The following TNFRSF1A variants were observed in gnomAD, a reference collection of about 807,000 sequenced individuals.
The protein encoded by TNFRSF1A is tumor necrosis factor receptor superfamily member 1A.
Under a neutral mutation model 41.6 loss-of-function variants are expected in TNFRSF1A, and 9 were observed. The observed-to-expected ratio is 0.22, with a 90% CI of 0.13 to 0.38. TNFRSF1A has a LOEUF of 0.38. TNFRSF1A is among the 10% of genes least tolerant of loss of function. The pLI, the probability that TNFRSF1A is intolerant of heterozygous loss-of-function variation, is 1.00. For missense variants in TNFRSF1A, 463 were observed against 591.5 expected (o/e 0.78, Z 2.25); for synonymous variants, 254 against 248.6 (o/e 1.02, Z -0.21).
Position 6,329,993 on chromosome 12 carries a change from G to C in TNFRSF1A, c.842C>G (p.Pro281Arg), listed in dbSNP as rs761773363. 6.3e-7 allele frequency: 1 copy of C among 1,599,814 alleles called. No homozygotes were observed. Among genetic ancestry groups the C allele is most frequent in the Admixed American group, 1.7e-5 (1 of 58,086 alleles). Residue 281 changes from proline (P) to arginine (R), a missense_variant, in exon 9 of 10, where the codon CCC (proline) becomes CGC (arginine). By Grantham distance (103) the Pro-to-Arg change is moderately radical (BLOSUM62 -2). Transcript: ENST00000162749. ...GGGCACGGGACTGAAGCCCAGGGTGGGGGTGAAGCCTGGAGTGGGACTGAA... is the reference window on the plus strand; with the variant it reads ...GGGCACGGGACTGAAGCCCAGGGTGCGGGTGAAGCCTGGAGTGGGACTGAA... ...PSFSPTPGFT[P>R]TLGFSPVPSS...
rs1457836870 is a variant in TNFRSF1A at position 6,341,368 on chromosome 12, C to T, written c.39+408G>A. On this transcript the variant is annotated intron_variant, in intron 1 of 9. Transcript: ENST00000162749. The surrounding 1 kb of genome is among the most constrained non-coding windows in gnomAD (Gnocchi z 4.6). ...GCCCAACACCCTCCAGGCCAGCCAGCTGACCGGAGGGACAGAATTCAGAAC... is the reference window on the plus strand; with the variant it reads ...GCCCAACACCCTCCAGGCCAGCCAGTTGACCGGAGGGACAGAATTCAGAAC... Among the ~76,000 whole-genome samples, 1 of 152,192 alleles carries T rather than the reference C, an allele frequency of 6.6e-6. No homozygotes were observed. Among genetic ancestry groups the T allele is most frequent in the East Asian group, 1.9e-4 (1 of 5,190 alleles).
In TNFRSF1A at chr12:6,328,850, C is replaced by T. The variant is rs780092063; in HGVS notation, c.*462G>A. On this transcript the variant is annotated 3_prime_UTR_variant, in exon 10 of 10. Coordinates refer to ENST00000162749, the MANE Select transcript of TNFRSF1A (RefSeq NM_001065.4). Reference sequence around the variant, plus strand: ...CCCATTGTTCCGTGCTCGCCCCTGCCTTAGGACAGTTCAGCTTGCTATGTG... The same window carrying T: ...CCCATTGTTCCGTGCTCGCCCCTGCTTTAGGACAGTTCAGCTTGCTATGTG... 2 of 163,944 alleles carry T rather than the reference C, an allele frequency of 1.2e-5. No individual in the cohort carries two copies. The highest frequency in any genetic ancestry group is 2.4e-5 in the African/African-American group (1 of 42,102). 10.2% of individuals were successfully genotyped at this position (163,944 alleles called of 1,614,324 possible). A position where few individuals can be genotyped will look rare whatever the true frequency, so the allele number is the denominator to read the frequency against.
chr12:6,338,754 C>G (rs547289277), intron 1 of TNFRSF1A, among the ~76,000 whole-genome samples: 2 of 152,118 alleles, frequency 1.3e-5, no homozygotes, highest in Non-Finnish European at 2.9e-5. Flanking sequence ...CTCAGTCTCC[C>G]GAATAGCTGG....
rs1198553018 is a variant in TNFRSF1A, at chr12:6,341,337, C to T, written c.39+439G>A. On this transcript the variant is annotated intron_variant, in intron 1 of 9. Transcript: ENST00000162749. The surrounding 1 kb of genome is among the most constrained non-coding windows in gnomAD (Gnocchi z 4.6). ...CAAGTTCCACAGGCAGCCTCGCCTC[C>T]CCACGGCCCAACACCCTCCAGGCCA... Among the ~76,000 whole-genome samples the T allele has an allele frequency of 6.6e-6, 1 of 152,184 alleles. No individual in the cohort carries two copies. Among genetic ancestry groups the T allele is most frequent in the African/African-American group, 2.4e-5 (1 of 41,452 alleles).
intron 8 of TNFRSF1A, 82 bp downstream of exon 8, chr12:6,330,185 A>G (rs533145140): frequency 2.5e-6 from 4 of 1,611,448 alleles, no homozygotes; most frequent in African/African-American, 2.7e-5. Context: ...AAAGTGAAGG[A>G]TGATTCCAGG....
intron 1 of TNFRSF1A, among the ~76,000 whole-genome samples, chr12:6,339,702 T>C (rs941897677): frequency 6.6e-6 from 1 of 152,152 alleles, no homozygotes; most frequent in South Asian, 2.1e-4. Flanking sequence ...CTGAAATCAT[T>C]TTTCACTGTA....
In TNFRSF1A at chr12:6,329,913, C is replaced by T; in HGVS notation, c.922G>A (p.Ala308Thr). The T allele has an allele frequency of 1.3e-6, 2 of 1,573,840 alleles. No individual in the cohort carries two copies. The highest frequency in any genetic ancestry group is 1.7e-6 in the Non-Finnish European group (2 of 1,158,418). ...GGTGCCACCTCTCTGCGGGGAGCCG[C>T]AAAGTTGGGACAGTCACCGGGGGTA... is the stretch of plus-strand genomic sequence containing the variant. ...TYTPGDCPNF[A>T]APRREVAPPY... The change falls in exon 9 of 10, where the codon GCG becomes ACG. Residue 308 changes from alanine to threonine, a missense_variant. Coordinates refer to ENST00000162749, the MANE Select transcript of TNFRSF1A (RefSeq NM_001065.4).
Position 6,341,870 on chromosome 12 carries a change from G to C in TNFRSF1A, c.-56C>G. 1 of 1,601,738 alleles carries C rather than the reference G, an allele frequency of 6.2e-7. No individual in the cohort carries two copies. The highest frequency in any genetic ancestry group is 2.2e-5 in the East Asian group (1 of 44,838). ...TTTGGGCTCAGGGCAGTGTGGCAGC[G>C]GCAGTGCTGGGGCTTCCCGGGACTC... On this transcript the variant is annotated 5_prime_UTR_variant, in exon 1 of 10. Transcript: ENST00000162749. This position sits in a 1 kb window ranked among gnomAD's most constrained non-coding sequence, Gnocchi z 4.6.
chr12:6,336,324 T>C (rs1403149208), intron 1 of TNFRSF1A, among the ~76,000 whole-genome samples: 3 of 152,040 alleles, frequency 2.0e-5, no homozygotes, highest in Non-Finnish European at 2.9e-5. Context: ...AGGGAAATCT[T>C]TTCCCAGCAA....
chr12:6,333,425 T>C lies in TNFRSF1A; in HGVS notation c.414A>G (p.Glu138=), dbSNP rs201862823. 49 of 1,613,920 alleles carry C rather than the reference T, an allele frequency of 3.0e-5. No individual in the cohort carries two copies. The highest frequency in any genetic ancestry group is 4.2e-5 in the Non-Finnish European group (49 of 1,179,992). ...TGCAATTGAAGCACTGGAAAAGGTT[T>C]TCACTCCAATAATGCCGGTACTGGT... ...RKNQYRHYWS[E]NLFQCFNCSL... The change falls in exon 4 of 10, where the codon GAA becomes GAG. Residue 138 remains glutamate (E), a synonymous_variant. Coordinates refer to ENST00000162749, the MANE Select transcript of TNFRSF1A (RefSeq NM_001065.4). The surrounding 1 kb of genome is among the most constrained non-coding windows in gnomAD (Gnocchi z 6.3).
rs1325942221 is a variant in TNFRSF1A at position 6,333,876 on chromosome 12, G to C, written c.194-11C>G. On this transcript the variant is annotated splice_polypyrimidine_tract_variant and intron_variant, in intron 2 of 9. Transcript: ENST00000162749. The surrounding 1 kb of genome is among the most constrained non-coding windows in gnomAD (Gnocchi z 6.3). The stretch of plus-strand genomic sequence containing the variant: ...TGTACAAGTAGGTTCCTGTGAATGG[G>C]GCCGCAGAGTTAGGCTGCGGGTGAG... 3 of 1,602,122 alleles carry C rather than the reference G, an allele frequency of 1.9e-6. No homozygotes were observed. Among genetic ancestry groups the C allele is most frequent in the Non-Finnish European group, 2.6e-6 (3 of 1,173,816 alleles).
Position 6,337,675 on chromosome 12 carries a change from C to T in TNFRSF1A, c.40-3431G>A, listed in dbSNP as rs919157598. Reference sequence around the variant, plus strand: ...TCCCTGTGAACTCGAAGCACGTGAACTGACCCTATCTACTTTTGGCTCTTA... The same window carrying T: ...TCCCTGTGAACTCGAAGCACGTGAATTGACCCTATCTACTTTTGGCTCTTA... On this transcript the variant is annotated intron_variant, in intron 1 of 9. Coordinates refer to ENST00000162749, the MANE Select transcript of TNFRSF1A (RefSeq NM_001065.4). This position sits in a 1 kb window ranked among gnomAD's most constrained non-coding sequence, Gnocchi z 4.6. 3.3e-5 allele frequency among the ~76,000 whole-genome samples: 5 copies of T among 152,200 alleles called. No homozygotes were observed. Among genetic ancestry groups the T allele is most frequent in the African/African-American group, 1.2e-4 (5 of 41,436 alleles).
chr12:6,334,225 A>G lies in TNFRSF1A; in HGVS notation c.59T>C (p.Val20Ala), dbSNP rs1254356365. 1 of 1,613,524 alleles carries G rather than the reference A, an allele frequency of 6.2e-7. No homozygotes were observed. The highest frequency in any genetic ancestry group is 8.5e-7 in the Non-Finnish European group (1 of 1,179,702). Residue 20 changes from valine to alanine, a missense_variant, in exon 2 of 10, where the codon GTG becomes GCG. This residue lies in a region of TNFRSF1A where 37 missense variants were observed against 46.5 expected (regional missense o/e 0.80). Transcript: ENST00000162749. This position sits in a 1 kb window ranked among gnomAD's most constrained non-coding sequence, Gnocchi z 5.1. ...AATAACCCCTGAGGGGTATATTCCC[A>G]CCAACAGCTCCAGGAGCACCTGGGG... ...LLPLVLLELL[V>A]GIYPSGVIGL...
rs201769426 is a variant in TNFRSF1A, at chr12:6,341,726, G to C, written c.39+50C>G. 1 of 1,609,872 alleles carries C rather than the reference G, an allele frequency of 6.2e-7. No individual in the cohort carries two copies. Among genetic ancestry groups the C allele is most frequent in the Non-Finnish European group, 8.5e-7 (1 of 1,177,728 alleles). ...CTCCCGGAGAGGGCCCACGCCAGCC[G>C]GAAGGTGCCTCGCCCACCAGCCCAC... On this transcript the variant is annotated intron_variant, in intron 1 of 9. Transcript: ENST00000162749. This position sits in a 1 kb window ranked among gnomAD's most constrained non-coding sequence, Gnocchi z 4.6.
At chr12:6,338,322 GTTCATC>G (rs1948145467) in intron 1 of TNFRSF1A, among the ~76,000 whole-genome samples, 1 of 152,088 alleles carries the variant, frequency 6.6e-6, no homozygotes, top group African/African-American at 2.4e-5. Context: ...CCATGTGTCA[GTTCATC>G]TTGCGAGGCC....
rs1948099762 is a variant in TNFRSF1A at position 6,334,837 on chromosome 12, G to GCCAGCA, written c.40-594_40-593insTGCTGG. ...GAAATCCCCCACAGCAGCTAACAGT[G>GCCAGCA]CTGGACACAGGGCAGATGTTGAAAG... On this transcript the variant is annotated intron_variant, in intron 1 of 9. Coordinates refer to ENST00000162749, the MANE Select transcript of TNFRSF1A (RefSeq NM_001065.4). The surrounding 1 kb of genome is among the most constrained non-coding windows in gnomAD (Gnocchi z 5.1). Among the ~76,000 whole-genome samples, 1 of 152,126 alleles carries GCCAGCA rather than the reference G, an allele frequency of 6.6e-6. No homozygotes were observed. The highest frequency in any genetic ancestry group is 2.4e-5 in the African/African-American group (1 of 41,410).
chr12:6,330,432 G>T, intron 7 of TNFRSF1A, 137 bp from the exon 8 acceptor site: 1 of 1,044,154 alleles, frequency 9.6e-7, no homozygotes, highest in Non-Finnish European at 1.5e-6. Context: ...AGCTACTGAT[G>T]CAGCTCGACA....
intron 5 of TNFRSF1A, among the ~76,000 whole-genome samples, 180 bp downstream of exon 5, chr12:6,332,889 G>C (rs1948069091): frequency 6.6e-6 from 1 of 152,188 alleles, no homozygotes; most frequent in Non-Finnish European, 1.5e-5. Flanking sequence ...GACTTCTTCA[G>C]ATTTGAAGAG....
At chr12:6,339,826 CT>C (rs1565470489) in intron 1 of TNFRSF1A, among the ~76,000 whole-genome samples, 3 of 127,574 alleles carry the variant, frequency 2.4e-5, no homozygotes, top group African/African-American at 1.4e-4. Context: ...TTCTCTCTCT[CT>C]CTCTCTCTCT....
Sources: gnomAD v4.1 joint callset for allele counts (sites outside exome capture counted in the v4.1 genomes callset) on GRCh38, gnomAD v4.1.1 for gene constraint, gnomAD v4.1.1 regional missense constraint, Gnocchi (gnomAD v3.1) non-coding constraint, MANE v1.5 for transcripts, NCBI Gene and HGNC (gene_info 2026-07-23, HGNC 2026-07-21) for gene names.